Variants in ANKS6 observed in about 807,000 individuals in gnomAD.
The protein encoded by ANKS6 is ankyrin repeat and SAM domain-containing protein 6.
ANKS6 carries 47 observed loss-of-function variants against 77.9 expected under a neutral mutation model. The ratio of observed to expected loss-of-function variants is 0.60; its 90% CI spans 0.48 to 0.77. ANKS6 has a LOEUF of 0.77. Among genes scored for constraint, ANKS6 ranks in the 30% least tolerant of loss-of-function variants. The pLI is 0.00. For synonymous variants in ANKS6, 488 were observed against 501.7 expected (o/e 0.97, Z 0.37); for missense variants, 1,150 against 1,159.1 (o/e 0.99, Z 0.11).
chr9:98,748,478 A>C (rs893164728), intron 13 of ANKS6, among the ~76,000 whole-genome samples: 9 of 152,216 alleles, frequency 5.9e-5, no homozygotes, highest in Non-Finnish European at 1.2e-4. Context: ...TTTCTTTTGC[A>C]GTTAAGTATT....
chr9:98,744,966 T>C (rs570104303), intron 14 of ANKS6, among the ~76,000 whole-genome samples: 15 of 152,290 alleles, frequency 9.8e-5, no homozygotes, highest in Non-Finnish European at 1.5e-5. Flanking sequence ...GAGTGGGGAT[T>C]TGTCTTTTTT....
intron 11 of ANKS6, among the ~76,000 whole-genome samples, chr9:98,767,254 C>T (rs1243508924): frequency 6.6e-6 from 1 of 152,212 alleles, no homozygotes; most frequent in Non-Finnish European, 1.5e-5. Flanking sequence ...TGCTCATGTC[C>T]TTCCTTCAGC....
chr9:98,790,101 G>T lies in ANKS6; in HGVS notation c.862+3C>A. 6.4e-7 allele frequency: 1 copy of T among 1,551,126 alleles called. No individual in the cohort carries two copies. The highest frequency in any genetic ancestry group is 1.2e-5 in the South Asian group (1 of 82,906). On this transcript the variant is annotated splice_donor_region_variant and intron_variant, in intron 2 of 14. Coordinates refer to ENST00000353234, the MANE Select transcript of ANKS6 (RefSeq NM_173551.5). The stretch of plus-strand genomic sequence containing the variant: ...TGAAGCCACGGGGGGCATGCAGCCT[G>T]ACCTGTTTTGGGCCTGACGGTGGTC...
Position 98,751,051 on chromosome 9 carries a change from T to C in ANKS6, c.2372A>G (p.Gln791Arg), listed in dbSNP as rs779778718. 1.2e-6 allele frequency: 2 copies of C among 1,610,802 alleles called. No individual in the cohort carries two copies. The highest frequency in any genetic ancestry group is 1.7e-6 in the Non-Finnish European group (2 of 1,178,808). Reference sequence around the variant, plus strand: ...TACCTCTTGTTCCTCAAAAATGGGCTGATATTTCTCAAGTGATAATTTCTT... The same window carrying C: ...TACCTCTTGTTCCTCAAAAATGGGCCGATATTTCTCAAGTGATAATTTCTT... ...ILKKLSLEKY[Q>R]PIFEEQEVDM... Residue 791 changes from glutamine (Q) to arginine (R), a missense_variant, in exon 13 of 15, where the codon CAG (glutamine) becomes CGG (arginine). By Grantham distance (43) the Gln-to-Arg change is conservative (BLOSUM62 1). Transcript: ENST00000353234.
chr9:98,752,441 C>T (rs1296085799), intron 12 of ANKS6, among the ~76,000 whole-genome samples: 2 of 152,014 alleles, frequency 1.3e-5, no homozygotes, highest in African/African-American at 2.4e-5. Context: ...CCCTCTTTCC[C>T]TTCCTTCCTT....
chr9:98,777,814 G>C (rs527766371), intron 7 of ANKS6, among the ~76,000 whole-genome samples: 13 of 152,278 alleles, frequency 8.5e-5, no homozygotes, highest in Admixed American at 3.9e-4. Flanking sequence ...AACTGACAAA[G>C]TTATCCAAGC....
intron 9 of ANKS6, 24 bp downstream of exon 9, chr9:98,773,853 A>G (rs767917373): frequency 2.0e-6 from 3 of 1,505,372 alleles, no homozygotes; most frequent in East Asian, 2.4e-5. Context: ...GTGATGTGTA[A>G]AAGTGTGTCA....
At chr9:98,786,103 C>G (rs1052398226) in intron 2 of ANKS6, among the ~76,000 whole-genome samples, 2 of 151,116 alleles carry the variant, frequency 1.3e-5, no homozygotes, top group Admixed American at 6.6e-5. Context: ...CTCAGCCTCC[C>G]GAGTAGCTGG....
chr9:98,795,181 C>T (rs1835108564), intron 1 of ANKS6, among the ~76,000 whole-genome samples: 1 of 152,064 alleles, frequency 6.6e-6, no homozygotes, highest in Non-Finnish European at 1.5e-5. Flanking sequence ...ATCTGGGTGC[C>T]CTCCCTCCGC....
intron 9 of ANKS6, 126 bp from the exon 10 acceptor site, chr9:98,771,172 T>A (rs1418047342): frequency 1.7e-6 from 2 of 1,164,168 alleles, no homozygotes; most frequent in African/African-American, 3.2e-5. Context: ...GTGCCCAGCA[T>A]GGCCCTGCCA....
chr9:98,790,085 G>C lies in ANKS6; in HGVS notation c.862+19C>G. 1 of 1,537,390 alleles carries C rather than the reference G, an allele frequency of 6.5e-7. No individual in the cohort carries two copies. Among genetic ancestry groups the C allele is most frequent in the Non-Finnish European group, 8.8e-7 (1 of 1,136,308 alleles). Reference sequence around the variant, plus strand: ...AATTTGGGGTCCTCTGTGAAGCCACGGGGGGCATGCAGCCTGACCTGTTTT... The same window carrying C: ...AATTTGGGGTCCTCTGTGAAGCCACCGGGGGCATGCAGCCTGACCTGTTTT... On this transcript the variant is annotated intron_variant, in intron 2 of 14. Coordinates refer to ENST00000353234, the MANE Select transcript of ANKS6 (RefSeq NM_173551.5).
chr9:98,767,372 C>A (rs940467025), intron 11 of ANKS6, among the ~76,000 whole-genome samples: 1 of 152,184 alleles, frequency 6.6e-6, no homozygotes, highest in African/African-American at 2.4e-5. Flanking sequence ...TTTTACCTGG[C>A]TCCATTCTCA....
rs151128671 is a variant in ANKS6 at position 98,777,032 on chromosome 9, A to C, written c.1617+373T>G. Reference sequence around the variant, plus strand: ...TACATCTCTAAGTTACAGATGAGGAAACTGAGGCCTCCCCAGCTGGAAACA... The same window carrying C: ...TACATCTCTAAGTTACAGATGAGGACACTGAGGCCTCCCCAGCTGGAAACA... On this transcript the variant is annotated intron_variant, in intron 8 of 14. Transcript: ENST00000353234. Among the ~76,000 whole-genome samples the C allele has an allele frequency of 2.0e-3, 306 of 152,348 alleles. 4 individuals are homozygous for C. Among genetic ancestry groups the C allele is most frequent in the Middle Eastern group, 0.01 (3 of 294 alleles).
Position 98,734,233 on chromosome 9 carries a change from C to A in ANKS6, c.*2286G>T. On this transcript the variant is annotated 3_prime_UTR_variant, in exon 15 of 15. Coordinates refer to ENST00000353234, the MANE Select transcript of ANKS6 (RefSeq NM_173551.5). Reference sequence around the variant, plus strand: ...AGTCCAGTGAAAAAGAAAGGAAAGGCATTGTCTGGAGCCTCTGCTGTCCTG... The same window carrying A: ...AGTCCAGTGAAAAAGAAAGGAAAGGAATTGTCTGGAGCCTCTGCTGTCCTG... 1 of 985,510 alleles carries A rather than the reference C, an allele frequency of 1.0e-6. No homozygotes were observed. Among genetic ancestry groups the A allele is most frequent in the Non-Finnish European group, 1.2e-6 (1 of 830,022 alleles). The allele number at this position is 985,510 out of a possible 1,614,324, so 61.0% of individuals were successfully genotyped here. A position where few individuals can be genotyped will look rare whatever the true frequency, so the allele number is the denominator to read the frequency against.
chr9:98,788,233 T>C (rs1371770339), intron 2 of ANKS6, among the ~76,000 whole-genome samples: 1 of 152,188 alleles, frequency 6.6e-6, no homozygotes, highest in Non-Finnish European at 1.5e-5. Flanking sequence ...AGATTCAAGA[T>C]GCAGAGGCTA....
At chr9:98,777,606 A>C (rs910167163) in intron 7 of ANKS6, 152 bp from the exon 8 acceptor site, 14 of 713,700 alleles carry the variant, frequency 2.0e-5, no homozygotes, top group Middle Eastern at 2.4e-4. Flanking sequence ...TAATAGAAGG[A>C]AGGCATTTAA....
chr9:98,759,277 T>TA (rs2117949894), intron 11 of ANKS6, among the ~76,000 whole-genome samples: 1 of 152,180 alleles, frequency 6.6e-6, no homozygotes, highest in South Asian at 2.1e-4. Flanking sequence ...GACAAAAAAA[T>TA]AAACTATTTT....
chr9:98,748,135 G>C (rs1449266146), intron 13 of ANKS6, among the ~76,000 whole-genome samples: 1 of 152,256 alleles, frequency 6.6e-6, no homozygotes, highest in Non-Finnish European at 1.5e-5. Context: ...CTGGCAGAGG[G>C]TCTGGCAGGG....
At chr9:98,760,945 A>G (rs1370885101) in intron 11 of ANKS6, among the ~76,000 whole-genome samples, 2 of 152,206 alleles carry the variant, frequency 1.3e-5, no homozygotes, top group South Asian at 2.1e-4. Flanking sequence ...GTGAATGTTT[A>G]GTTTTATAAG....
Sources: allele counts gnomAD v4.1 joint callset (sites outside exome capture counted in the v4.1 genomes callset), GRCh38; gene constraint gnomAD v4.1.1; transcripts MANE v1.5; gene names NCBI Gene and HGNC (gene_info 2026-07-23, HGNC 2026-07-21).